Variants in AGXT2 observed in about 807,000 individuals in gnomAD.
AGXT2 encodes alanine--glyoxylate aminotransferase 2, mitochondrial.
Under a neutral mutation model 62.5 loss-of-function variants are expected in AGXT2, and 61 were observed. The observed-to-expected ratio is 0.98, with a 90% CI of 0.79 to 1.21. AGXT2 has a LOEUF of 1.21. Ranked by LOEUF, AGXT2 falls within the 50% of genes most tolerant of loss-of-function variation. The pLI, the probability that AGXT2 is intolerant of heterozygous loss-of-function variation, is 0.00. For missense variants in AGXT2, 666 were observed against 641.5 expected (o/e 1.04, Z -0.41); for synonymous variants, 243 against 218.7 (o/e 1.11, Z -0.98).
At chr5:35,026,532 AC>A in intron 7 of AGXT2, 22 bp from the exon 8 acceptor site, 1 of 1,592,726 alleles carries the variant, frequency 6.3e-7, no homozygotes, top group Non-Finnish European at 8.6e-7. Flanking sequence ...AAACAACAAA[AC>A]AAAACAAACC....
chr5:35,030,858 C>G (rs10941228), intron 7 of AGXT2, among the ~76,000 whole-genome samples: 65,552 of 152,046 alleles, frequency 0.43, 15,527 homozygotes, highest in East Asian at 0.67. Context: ...CTTACAGATG[C>G]AATATTCAAA....
At chr5:35,032,940 TC>T (rs1276095962) in intron 6 of AGXT2, 115 bp from the exon 7 acceptor site, 25 of 852,356 alleles carry the variant, frequency 2.9e-5, no homozygotes, top group South Asian at 1.4e-4. Flanking sequence ...CCCTCATTCT[TC>T]CCCCACTTAA....
rs1766124982 is a variant in AGXT2 at position 34,998,829 on chromosome 5, G to C, written c.1438-3C>G. 6.3e-7 allele frequency: 1 copy of C among 1,595,882 alleles called. No individual in the cohort carries two copies. Among genetic ancestry groups the C allele is most frequent in the African/African-American group, 1.3e-5 (1 of 74,618 alleles). On this transcript the variant is annotated splice_polypyrimidine_tract_variant and splice_region_variant and intron_variant, in intron 13 of 13. Coordinates refer to ENST00000231420, the MANE Select transcript of AGXT2 (RefSeq NM_031900.4). ...ATTGAGGGCGCAATGCGAAATGTCT[G>C]AGGAGACACCAAAAAATAAGAAAAC...
chr5:35,032,221 G>A (rs1767589512), intron 7 of AGXT2, among the ~76,000 whole-genome samples: 1 of 151,312 alleles, frequency 6.6e-6, no homozygotes, highest in Non-Finnish European at 1.5e-5. Flanking sequence ...CAAAGTGCTG[G>A]GATTATAGCT....
At chr5:35,010,320 A>G (rs367745833) in intron 11 of AGXT2, among the ~76,000 whole-genome samples, 171 bp from the exon 12 acceptor site, 5 of 152,190 alleles carry the variant, frequency 3.3e-5, no homozygotes, top group East Asian at 3.8e-4. Flanking sequence ...GGAGAGAAGA[A>G]AAGTCTTAGG....
chr5:35,013,930 T>C (rs913301683), intron 10 of AGXT2, 57 bp downstream of exon 10: 11 of 1,612,740 alleles, frequency 6.8e-6, no homozygotes, highest in Non-Finnish European at 9.3e-6. Flanking sequence ...ACACGTGTTA[T>C]ACCATAGCCC....
At position 35,003,756 on chromosome 5, in the gene AGXT2, C is replaced by T; in HGVS notation, c.1437+7G>A. On this transcript the variant is annotated splice_region_variant and intron_variant, in intron 13 of 13. Transcript: ENST00000231420. Reference sequence around the variant, plus strand: ...GAGCGATAGGTAAAAACCAGTCTTTCTCTTACCTGAGAAAAAATGCTGCCT... The same window carrying T: ...GAGCGATAGGTAAAAACCAGTCTTTTTCTTACCTGAGAAAAAATGCTGCCT... 1 of 1,612,810 alleles carries T rather than the reference C, an allele frequency of 6.2e-7. No homozygotes were observed. The highest frequency in any genetic ancestry group is 8.5e-7 in the Non-Finnish European group (1 of 1,178,836).
At chr5:35,009,217 T>C (rs577269521) in intron 12 of AGXT2, among the ~76,000 whole-genome samples, 1 of 151,350 alleles carries the variant, frequency 6.6e-6, no homozygotes, top group South Asian at 2.1e-4. Context: ...ACTTGGGAGG[T>C]TGAAATCCAT....
intron 12 of AGXT2, 90 bp downstream of exon 12, chr5:35,009,910 C>T: frequency 6.4e-7 from 1 of 1,564,896 alleles, no homozygotes; most frequent in South Asian, 1.1e-5. Flanking sequence ...CTGCTCTCTC[C>T]TTGAGAGTAA....
chr5:35,015,484 C>T (rs1309545859), intron 9 of AGXT2, among the ~76,000 whole-genome samples: 1 of 152,156 alleles, frequency 6.6e-6, no homozygotes, highest in African/African-American at 2.4e-5. Context: ...TCTCTCTCCA[C>T]ACATACACAA....
At chr5:35,031,253 A>G (rs1767549816) in intron 7 of AGXT2, among the ~76,000 whole-genome samples, 1 of 152,174 alleles carries the variant, frequency 6.6e-6, no homozygotes, top group African/African-American at 2.4e-5. Context: ...GGCTTTCCTG[A>G]TGTTTAAAGT....
intron 7 of AGXT2, among the ~76,000 whole-genome samples, chr5:35,030,920 C>T (rs189452013): frequency 7.9e-4 from 120 of 152,274 alleles, no homozygotes; most frequent in African/African-American, 2.5e-3. Flanking sequence ...AAAAGTTCTC[C>T]GTGCCTCATC....
Position 35,039,489 on chromosome 5 carries a change from A to G in AGXT2, c.197T>C (p.Val66Ala). 1 of 1,613,952 alleles carries G rather than the reference A, an allele frequency of 6.2e-7. No homozygotes were observed. The highest frequency in any genetic ancestry group is 2.2e-5 in the East Asian group (1 of 44,874). ...ERYQSLGYNR[V>A]LEIHKEHLSP... ...AAGATGTTCCTTGTGGATTTCCAGG[A>G]CACGGTTGTAGCCAAGGGACTGTAG... is the stretch of plus-strand genomic sequence containing the variant. Residue 66 changes from valine to alanine, a missense_variant, in exon 3 of 14, where the codon GTC (valine) becomes GCC (alanine). Physicochemically the swap from Val to Ala is moderately conservative, Grantham distance 64 (BLOSUM62 0). Transcript: ENST00000231420.
At chr5:35,026,701 C>G (rs537510738) in intron 7 of AGXT2, among the ~76,000 whole-genome samples, 191 bp from the exon 8 acceptor site, 1 of 151,960 alleles carries the variant, frequency 6.6e-6, no homozygotes, top group East Asian at 1.9e-4. Flanking sequence ...CTCTGAACAA[C>G]TTGTACTTTG....
chr5:35,015,722 A>C (rs344163), intron 9 of AGXT2, among the ~76,000 whole-genome samples: 147,441 of 151,808 alleles, frequency 0.97, 71,749 homozygotes, highest in Non-Finnish European at 1. Flanking sequence ...TGGTGGCGGG[A>C]GCCTGTAGTC....
intron 11 of AGXT2, 127 bp from the exon 12 acceptor site, chr5:35,010,276 G>A (rs1766581938): frequency 6.7e-6 from 8 of 1,189,340 alleles, no homozygotes; most frequent in Middle Eastern, 2.5e-4. Flanking sequence ...CAAGTCTAGT[G>A]TGACCACAAG....
chr5:35,021,493 A>G (rs1278705454), intron 9 of AGXT2, among the ~76,000 whole-genome samples: 2 of 150,406 alleles, frequency 1.3e-5, no homozygotes, highest in African/African-American at 4.9e-5. Context: ...TATTTAATAA[A>G]TGGTGCTGGG....
intron 13 of AGXT2, 78 bp downstream of exon 13, chr5:35,003,685 G>T: frequency 2.2e-6 from 3 of 1,378,720 alleles, no homozygotes; most frequent in Non-Finnish European, 3.1e-6. Context: ...TCACAGCTGT[G>T]AAGAAACTGT....
chr5:35,007,985 C>T (rs2112180513), intron 12 of AGXT2, among the ~76,000 whole-genome samples: 1 of 152,240 alleles, frequency 6.6e-6, no homozygotes, highest in East Asian at 1.9e-4. Context: ...CATCAGTGAC[C>T]TCTGCATATG....
Sources: allele counts gnomAD v4.1 joint callset (sites outside exome capture counted in the v4.1 genomes callset), GRCh38; gene constraint gnomAD v4.1.1; transcripts MANE v1.5; gene names NCBI Gene and HGNC (gene_info 2026-07-23, HGNC 2026-07-21).